Variants in ITPR2 observed in about 807,000 individuals in gnomAD.
ITPR2 encodes the protein inositol 1,4,5-trisphosphate-gated calcium channel ITPR2.
Under a neutral mutation model 317.1 loss-of-function variants are expected in ITPR2, and 207 were observed. That is an observed-to-expected ratio of 0.65 (90% CI 0.58 to 0.73). ITPR2 has a LOEUF of 0.73. Ranked by LOEUF, ITPR2 falls within the 30% of genes least tolerant of loss-of-function variation. ITPR2 has a pLI of 0.00. For missense variants in ITPR2, 2,613 were observed against 3,284.0 expected, an observed-to-expected ratio of 0.80 and a Z score of 4.99; for synonymous variants, 1,156 against 1,149.1, an observed-to-expected ratio of 1.01 and a Z score of -0.12.
chr12:26,779,442 T>C (rs372026375), intron 2 of ITPR2, among the ~76,000 whole-genome samples: 2 of 152,164 alleles, frequency 1.3e-5, no homozygotes, highest in East Asian at 1.9e-4. Context: ...GGAAGTAGTA[T>C]AAATGTGACT....
chr12:26,575,687 A>G (rs545191540), intron 34 of ITPR2, among the ~76,000 whole-genome samples: 89 of 152,238 alleles, frequency 5.8e-4, no homozygotes, highest in Non-Finnish European at 1.1e-3. Context: ...CAGTATGGAC[A>G]TGGTAGGAAA....
At chr12:26,809,466 G>A (rs1950694734) in intron 1 of ITPR2, among the ~76,000 whole-genome samples, 1 of 152,104 alleles carries the variant, frequency 6.6e-6, no homozygotes, top group African/African-American at 2.4e-5. Flanking sequence ...ATATTCTCCA[G>A]GTACCCACTA....
At chr12:26,492,690 C>G (rs184540973) in intron 39 of ITPR2, among the ~76,000 whole-genome samples, 90 of 152,212 alleles carry the variant, frequency 5.9e-4, no homozygotes, top group Admixed American at 2.0e-3. Context: ...GACAGTGGAA[C>G]ATTGGTCAAA....
intron 34 of ITPR2, among the ~76,000 whole-genome samples, chr12:26,562,289 T>A (rs1192118185): frequency 6.6e-6 from 1 of 152,176 alleles, no homozygotes; most frequent in Admixed American, 6.5e-5. Context: ...AAAGCAGACA[T>A]AAAACACACG....
At chr12:26,808,904 C>T (rs993648935) in intron 1 of ITPR2, among the ~76,000 whole-genome samples, 4 of 152,180 alleles carry the variant, frequency 2.6e-5, no homozygotes, top group African/African-American at 4.8e-5. Flanking sequence ...CTTTACAATA[C>T]GTTATGAGGT....
chr12:26,596,990 C>A lies in ITPR2; in HGVS notation c.4147G>T (p.Ala1383Ser), dbSNP rs371556381. Residue 1383 changes from alanine to serine, a missense_variant, in exon 31 of 57, where the codon GCA becomes TCA. Transcript: ENST00000381340. ...AYHITLVELL[A>S]ACTEGKNVYT... The stretch of plus-strand genomic sequence containing the variant: ...ACATTTTTCCCCTCTGTGCATGCTG[C>A]CAGCAACTCCACCAGGGTGATGTGG... 15 of 1,613,528 alleles carry A rather than the reference C, an allele frequency of 9.3e-6. No individual in the cohort carries two copies. The highest frequency in any genetic ancestry group is 1.3e-5 in the Non-Finnish European group (15 of 1,179,802).
chr12:26,802,615 A>C (rs569676876), intron 1 of ITPR2, among the ~76,000 whole-genome samples: 1,528 of 146,426 alleles, frequency 0.01, 20 homozygotes, highest in African/African-American at 0.034. Context: ...ATAGATATAT[A>C]TAGATATAGA....
At chr12:26,648,691 G>A (rs1475462417) in intron 21 of ITPR2, 1 of 151,736 alleles carries the variant, frequency 6.6e-6, no homozygotes, top group Non-Finnish European at 1.5e-5. Context: ...TTGTAATGTG[G>A]TAACATTGCT....
At chr12:26,528,223 T>C (rs906448915) in intron 37 of ITPR2, among the ~76,000 whole-genome samples, 8 of 152,194 alleles carry the variant, frequency 5.3e-5, no homozygotes, top group Non-Finnish European at 1.2e-4. Flanking sequence ...AAGATTCCTA[T>C]GACTTTCAAT....
At chr12:26,772,917 T>C (rs1334370001) in intron 2 of ITPR2, among the ~76,000 whole-genome samples, 18 of 151,936 alleles carry the variant, frequency 1.2e-4, no homozygotes, top group Admixed American at 1.1e-3. Flanking sequence ...CCTCCACCCA[T>C]CGAGAGGCCC....
At chr12:26,402,233 G>C (rs887980090) in intron 52 of ITPR2, among the ~76,000 whole-genome samples, 5 of 152,176 alleles carry the variant, frequency 3.3e-5, no homozygotes, top group Non-Finnish European at 7.3e-5. Context: ...AGAGCAAAAG[G>C]GGCTTTTAAG....
At chr12:26,377,775 A>G (rs1367231049) in intron 55 of ITPR2, among the ~76,000 whole-genome samples, 3 of 152,236 alleles carry the variant, frequency 2.0e-5, no homozygotes, top group Admixed American at 2.0e-4. Flanking sequence ...GCCTCAATTC[A>G]CATAAAATGG....
At position 26,656,554 on chromosome 12, in the gene ITPR2, A is replaced by G. The variant is rs1337948549; in HGVS notation, c.2193-6T>C. The G allele has an allele frequency of 6.2e-7, 1 of 1,613,974 alleles. No homozygotes were observed. Among genetic ancestry groups the G allele is most frequent in the Non-Finnish European group, 8.5e-7 (1 of 1,179,898 alleles). On this transcript the variant is annotated splice_polypyrimidine_tract_variant and splice_region_variant and intron_variant, in intron 18 of 56. Coordinates refer to ENST00000381340, the MANE Select transcript of ITPR2 (RefSeq NM_002223.4). ...CAAAGAGGTTTAGCTGGTACCTTAAAAATGGTAAACATATTACATTATTGT... is the reference window on the plus strand; with the variant it reads ...CAAAGAGGTTTAGCTGGTACCTTAAGAATGGTAAACATATTACATTATTGT...
At chr12:26,555,138 T>G (rs1254653949) in intron 36 of ITPR2, among the ~76,000 whole-genome samples, 1 of 152,220 alleles carries the variant, frequency 6.6e-6, no homozygotes, top group Non-Finnish European at 1.5e-5. Flanking sequence ...CCACCTATTC[T>G]TCAACATGAT....
intron 2 of ITPR2, among the ~76,000 whole-genome samples, chr12:26,761,448 G>A (rs1320699273): frequency 6.6e-6 from 1 of 151,980 alleles, no homozygotes; most frequent in Non-Finnish European, 1.5e-5. Context: ...TGGCCCTAAA[G>A]AAATGGAGAT....
At chr12:26,641,922 T>C (rs116082568) in intron 21 of ITPR2, among the ~76,000 whole-genome samples, 1,363 of 128,860 alleles carry the variant, frequency 0.011, 25 homozygotes, top group African/African-American at 0.039. Flanking sequence ...ATAAAACTTA[T>C]AAAAGCTTAG....
intron 2 of ITPR2, among the ~76,000 whole-genome samples, chr12:26,735,202 AT>A (rs1261864228): frequency 2.6e-5 from 4 of 152,110 alleles, no homozygotes; most frequent in Admixed American, 2.6e-4. Context: ...GGGTTTCACC[AT>A]GTTAGCCAGG....
chr12:26,624,113 C>G (rs1178889880), intron 24 of ITPR2, among the ~76,000 whole-genome samples, 186 bp downstream of exon 24: 1 of 152,026 alleles, frequency 6.6e-6, no homozygotes. Context: ...TTTACCTGAC[C>G]TAAAGAAAAG....
chr12:26,447,615 T>G (rs1941639696), intron 45 of ITPR2, among the ~76,000 whole-genome samples: 1 of 152,018 alleles, frequency 6.6e-6, no homozygotes, highest in African/African-American at 2.4e-5. Flanking sequence ...TGAGTTTCAC[T>G]TTTATTGGGT....
Sources: gnomAD v4.1 joint callset for allele counts (sites outside exome capture counted in the v4.1 genomes callset) on GRCh38, gnomAD v4.1.1 for gene constraint, MANE v1.5 for transcripts, NCBI Gene and HGNC (gene_info 2026-07-23, HGNC 2026-07-21) for gene names.